Variants in ARHGAP24 observed in about 807,000 individuals in gnomAD.
The protein encoded by ARHGAP24 is rho GTPase-activating protein 24.
ARHGAP24 carries 50 observed loss-of-function variants against 76.4 expected under a neutral mutation model. The observed-to-expected ratio is 0.65, with a 90% CI of 0.52 to 0.83. ARHGAP24 has a LOEUF of 0.83. ARHGAP24 is among the 40% of genes least tolerant of loss of function. The probability of loss-of-function intolerance (pLI) is 0.00; values close to 1 mark genes in which losing one functional copy is unlikely to be tolerated. For synonymous variants in ARHGAP24, 345 were observed against 323.3 expected (o/e 1.07, Z -0.72); for missense variants, 930 against 914.2 (o/e 1.02, Z -0.22).
At chr4:85,846,972 G>A (rs1289721939) in intron 3 of ARHGAP24, among the ~76,000 whole-genome samples, 1 of 152,158 alleles carries the variant, frequency 6.6e-6, no homozygotes, top group East Asian at 1.9e-4. Flanking sequence ...AAATGTATGT[G>A]TTCTTCTGAG....
intron 3 of ARHGAP24, among the ~76,000 whole-genome samples, chr4:85,841,905 A>G (rs1730610971): frequency 6.6e-6 from 1 of 152,178 alleles, no homozygotes; most frequent in South Asian, 2.1e-4. Flanking sequence ...TGTACCAGCC[A>G]CTGGTTGTAC....
intron 3 of ARHGAP24, among the ~76,000 whole-genome samples, chr4:85,901,831 T>C (rs1734509973): frequency 2.0e-5 from 3 of 152,156 alleles, no homozygotes; most frequent in Admixed American, 2.0e-4. Flanking sequence ...TTTTTTACTT[T>C]AAGTTCTGGA....
Position 85,994,570 on chromosome 4 carries a change from T to C in ARHGAP24, c.929-13T>C. 6.2e-7 allele frequency: 1 copy of C among 1,612,874 alleles called. No individual in the cohort carries two copies. Among genetic ancestry groups the C allele is most frequent in the Non-Finnish European group, 8.5e-7 (1 of 1,178,820 alleles). ...GTCTCACTCATGCTACTTTATGTTC[T>C]ATGCAATTCTAGGCACTGTGGTGGT... is the stretch of plus-strand genomic sequence containing the variant. On this transcript the variant is annotated splice_polypyrimidine_tract_variant and intron_variant, in intron 8 of 9. Transcript: ENST00000395184.
chr4:85,965,707 C>T (rs1738555604), intron 5 of ARHGAP24, among the ~76,000 whole-genome samples: 1 of 152,048 alleles, frequency 6.6e-6, no homozygotes, highest in Non-Finnish European at 1.5e-5. Context: ...TCAATTATAC[C>T]AGAATGTATA....
At chr4:85,610,664 G>T (rs1435175704) in intron 2 of ARHGAP24, among the ~76,000 whole-genome samples, 1 of 151,672 alleles carries the variant, frequency 6.6e-6, no homozygotes, top group Non-Finnish European at 1.5e-5. Context: ...TTTCTGACTT[G>T]TGGTGGTTTT....
At chr4:85,561,378 A>T (rs1297501284) in intron 1 of ARHGAP24, among the ~76,000 whole-genome samples, 1 of 152,222 alleles carries the variant, frequency 6.6e-6, no homozygotes, top group Non-Finnish European at 1.5e-5. Flanking sequence ...AATCTCTATT[A>T]CATCCTTTGT....
chr4:85,514,025 T>C (rs1463950289), intron 1 of ARHGAP24, among the ~76,000 whole-genome samples: 3 of 152,218 alleles, frequency 2.0e-5, no homozygotes, highest in Admixed American at 1.3e-4. Context: ...GGAAATTATC[T>C]CCTCATCAAT....
chr4:85,575,160 A>T (rs1727320602), intron 2 of ARHGAP24, among the ~76,000 whole-genome samples: 1 of 152,196 alleles, frequency 6.6e-6, no homozygotes, highest in Admixed American at 6.5e-5. Flanking sequence ...GCTTTAGTTC[A>T]TCTAGGAGAA....
intron 2 of ARHGAP24, among the ~76,000 whole-genome samples, chr4:85,626,570 C>T (rs1720961916): frequency 6.6e-6 from 1 of 152,070 alleles, no homozygotes; most frequent in Non-Finnish European, 1.5e-5. Flanking sequence ...TTGCTCTTCT[C>T]GAGGAGTAAT....
At chr4:85,504,609 G>A (rs1723961797) in intron 1 of ARHGAP24, among the ~76,000 whole-genome samples, 1 of 152,098 alleles carries the variant, frequency 6.6e-6, no homozygotes, top group Non-Finnish European at 1.5e-5. Flanking sequence ...GAGCCTATGT[G>A]CGTCTCTGCA....
chr4:85,783,472 T>A (rs1384416178), intron 3 of ARHGAP24, among the ~76,000 whole-genome samples: 2 of 146,410 alleles, frequency 1.4e-5, no homozygotes, highest in Non-Finnish European at 3.0e-5. Context: ...CCTGATCACT[T>A]TTTTTTTTTT....
chr4:85,852,258 G>A (rs1015018460), intron 3 of ARHGAP24, among the ~76,000 whole-genome samples: 1 of 152,154 alleles, frequency 6.6e-6, no homozygotes. Flanking sequence ...AAGCTTCTGT[G>A]TGTGTCACGT....
intron 2 of ARHGAP24, among the ~76,000 whole-genome samples, chr4:85,683,117 T>TGGGGGGGGGG (rs201448168): frequency 2.8e-4 from 16 of 56,936 alleles, no homozygotes; most frequent in South Asian, 1.3e-3. Flanking sequence ...TGTGGGGGGG[T>TGGGGGGGGGG]GGGGGGGGGG....
chr4:85,681,336 C>G (rs1475576034), intron 2 of ARHGAP24, among the ~76,000 whole-genome samples: 1 of 152,124 alleles, frequency 6.6e-6, no homozygotes, highest in Non-Finnish European at 1.5e-5. Context: ...GTTTCAGATG[C>G]CAGTAATTTT....
rs188457201 is a variant in ARHGAP24 at position 85,645,124 on chromosome 4, G to A, written c.180+74403G>A. ...CATCTGTTCATTTTTAAACTTTAAT[G>A]TTTGTTTACTTTGAGTTTGTAGCTT... On this transcript the variant is annotated intron_variant, in intron 2 of 9. Transcript: ENST00000395184. 1.6e-4 allele frequency among the ~76,000 whole-genome samples: 24 copies of A among 152,096 alleles called. No homozygotes were observed. The East Asian group carries it at 3.7e-3, about 23-fold the overall frequency.
chr4:85,913,894 A>G (rs1278495050), intron 3 of ARHGAP24, among the ~76,000 whole-genome samples: 2 of 152,192 alleles, frequency 1.3e-5, no homozygotes, highest in African/African-American at 4.8e-5. Flanking sequence ...ATTTTAATCC[A>G]GATTTCAAAA....
chr4:85,577,344 A>G (rs7683928), intron 2 of ARHGAP24, among the ~76,000 whole-genome samples: 57,200 of 151,842 alleles, frequency 0.38, 12,419 homozygotes, highest in East Asian at 0.85. Flanking sequence ...TCAAACAACT[A>G]TTTAGAAACC....
At chr4:85,606,322 G>A (rs1040884853) in intron 2 of ARHGAP24, among the ~76,000 whole-genome samples, 5 of 152,016 alleles carry the variant, frequency 3.3e-5, no homozygotes, top group Admixed American at 2.6e-4. Flanking sequence ...GACCATCCTG[G>A]CTAACACAGC....
intron 3 of ARHGAP24, among the ~76,000 whole-genome samples, chr4:85,878,304 T>G (rs1333973526): frequency 1.3e-5 from 2 of 152,162 alleles, no homozygotes; most frequent in Non-Finnish European, 2.9e-5. Flanking sequence ...TGCAAGAGAA[T>G]GTTGTGAATA....
Sources: allele counts gnomAD v4.1 joint callset (sites outside exome capture counted in the v4.1 genomes callset), GRCh38; gene constraint gnomAD v4.1.1; transcripts MANE v1.5; gene names NCBI Gene and HGNC (gene_info 2026-07-23, HGNC 2026-07-21).